Variants in AP3B1 observed in about 807,000 individuals in gnomAD.
The protein encoded by AP3B1 is AP-3 complex subunit beta-1.
In AP3B1, 61 loss-of-function variants were observed where a neutral mutation model predicts 132.5. The ratio of observed to expected loss-of-function variants is 0.46; its 90% confidence interval spans 0.37 to 0.57. The LOEUF (loss-of-function observed/expected upper bound fraction) is 0.57. Ranked by LOEUF, AP3B1 falls within the 20% of genes least tolerant of loss-of-function variation. The pLI is 0.00. For synonymous variants in AP3B1, 388 were observed against 438.3 expected (o/e 0.89, Z 1.43); for missense variants, 1,120 against 1,289.4 (o/e 0.87, Z 2.01).
intron 7 of AP3B1, among the ~76,000 whole-genome samples, chr5:78,188,732 T>C (rs1030816639): frequency 3.3e-5 from 5 of 152,190 alleles, no homozygotes; most frequent in Admixed American, 1.3e-4. Context: ...ACTGGGTATA[T>C]ACCCAAAAGA....
intron 22 of AP3B1, among the ~76,000 whole-genome samples, chr5:78,078,445 C>A (rs1749851728): frequency 6.6e-6 from 1 of 152,202 alleles, no homozygotes; most frequent in African/African-American, 2.4e-5. Flanking sequence ...TGGCTTTCAA[C>A]CAGTAGCTAC....
intron 17 of AP3B1, 122 bp downstream of exon 17, chr5:78,127,908 A>G: frequency 8.6e-7 from 1 of 1,158,610 alleles, no homozygotes; most frequent in Non-Finnish European, 1.3e-6. Context: ...AACACATTAC[A>G]TTTAGAAATA....
chr5:78,060,726 A>G (rs762241660), intron 22 of AP3B1, among the ~76,000 whole-genome samples: 1 of 152,168 alleles, frequency 6.6e-6, no homozygotes, highest in Non-Finnish European at 1.5e-5. Flanking sequence ...ATCAGAATGT[A>G]GTAGACATTC....
At chr5:78,253,691 G>A (rs1223266817) in intron 2 of AP3B1, among the ~76,000 whole-genome samples, 1 of 152,160 alleles carries the variant, frequency 6.6e-6, no homozygotes. Context: ...GATAGGCCAG[G>A]CGCGGTGGCT....
intron 7 of AP3B1, among the ~76,000 whole-genome samples, chr5:78,193,742 T>G (rs868671604): frequency 0.039 from 3,510 of 90,700 alleles, 206 homozygotes; most frequent in African/African-American, 0.17. Flanking sequence ...GTATATATTT[T>G]TTTATATATA....
intron 21 of AP3B1, among the ~76,000 whole-genome samples, chr5:78,093,428 G>A (rs983958525): frequency 2.6e-5 from 4 of 152,186 alleles, no homozygotes; most frequent in Non-Finnish European, 5.9e-5. Flanking sequence ...ATTTGGAAGG[G>A]GGGATTTGCA....
At chr5:78,193,759 T>TAG (rs1744954304) in intron 7 of AP3B1, among the ~76,000 whole-genome samples, 2 of 118,964 alleles carry the variant, frequency 1.7e-5, no homozygotes, top group East Asian at 4.4e-4. Context: ...TATATATATA[T>TAG]ATATATATAT....
intron 1 of AP3B1, among the ~76,000 whole-genome samples, chr5:78,276,098 C>T (rs1394884209): frequency 6.6e-6 from 1 of 151,476 alleles, no homozygotes; most frequent in Non-Finnish European, 1.5e-5. Context: ...TAGGGTCTTG[C>T]TCTATTGCCC....
In AP3B1 at chr5:78,110,220, C is replaced by T. The variant is rs1017591456; in HGVS notation, c.2384G>A (p.Arg795Lys). Reference sequence around the variant, plus strand: ...ATAATCTCTTACCTTAGTGACTCTTCTGGATTCAGATTCACTTTCAGGTTC... The same window carrying T: ...ATAATCTCTTACCTTAGTGACTCTTTTGGATTCAGATTCACTTTCAGGTTC... ...ESEPESESES[R>K]RVTKEKEKKT... Residue 795 changes from arginine (R) to lysine (K), a missense_variant, in exon 20 of 27, where the codon AGA becomes AAA. Coordinates refer to ENST00000255194, the MANE Select transcript of AP3B1 (RefSeq NM_003664.5). 1.2e-6 allele frequency: 2 copies of T among 1,605,132 alleles called. No individual in the cohort carries two copies. Among genetic ancestry groups the T allele is most frequent in the Non-Finnish European group, 1.7e-6 (2 of 1,174,668 alleles).
At chr5:78,007,365 G>A (rs1022611302) in intron 26 of AP3B1, among the ~76,000 whole-genome samples, 14 of 151,868 alleles carry the variant, frequency 9.2e-5, no homozygotes, top group African/African-American at 3.1e-4. Flanking sequence ...TCTATTCTGA[G>A]TTCAATTTTC....
chr5:78,205,861 A>T (rs888798627), intron 7 of AP3B1, among the ~76,000 whole-genome samples: 8 of 150,790 alleles, frequency 5.3e-5, no homozygotes, highest in East Asian at 1.9e-4. Context: ...GTCTAAAAAA[A>T]TTTTTTTTTT....
At chr5:78,049,233 T>C (rs1256995367) in intron 22 of AP3B1, among the ~76,000 whole-genome samples, 1 of 152,180 alleles carries the variant, frequency 6.6e-6, no homozygotes, top group Non-Finnish European at 1.5e-5. Flanking sequence ...TCTGACCCTA[T>C]GTCTCCCTTG....
At chr5:78,276,615 C>A (rs10059285) in intron 1 of AP3B1, among the ~76,000 whole-genome samples, 34,271 of 152,004 alleles carry the variant, frequency 0.23, 4,518 homozygotes, top group Middle Eastern at 0.31. Flanking sequence ...CACCTACAGT[C>A]CTAGTTACTC....
intron 3 of AP3B1, among the ~76,000 whole-genome samples, chr5:78,237,731 T>C (rs1323004253): frequency 6.6e-6 from 1 of 152,120 alleles, no homozygotes; most frequent in East Asian, 1.9e-4. Context: ...GAGAATCACC[T>C]GAACCCGGCA....
In AP3B1 at chr5:78,170,030, G is replaced by A. The variant is rs142805110; in HGVS notation, c.1168-4358C>T. ...TATTTGGTTTTCTGTCCTTGTGACA[G>A]TTTGCTGAGAATGACGGTTGCCAGC... is the stretch of plus-strand genomic sequence containing the variant. On this transcript the variant is annotated intron_variant, in intron 11 of 26. Coordinates refer to ENST00000255194, the MANE Select transcript of AP3B1 (RefSeq NM_003664.5). Among the ~76,000 whole-genome samples, 42 of 152,262 alleles carry A rather than the reference G, an allele frequency of 2.8e-4. No individual in the cohort carries two copies. In the East Asian group the frequency reaches 5.8e-3, roughly 21 times the overall value.
At chr5:78,122,805 C>A (rs1752280577) in intron 17 of AP3B1, among the ~76,000 whole-genome samples, 1 of 152,202 alleles carries the variant, frequency 6.6e-6, no homozygotes, top group South Asian at 2.1e-4. Flanking sequence ...CCATCCCCAT[C>A]AAGCTACCAA....
intron 18 of AP3B1, among the ~76,000 whole-genome samples, chr5:78,114,923 T>C (rs1455973172): frequency 1.3e-5 from 2 of 152,208 alleles, no homozygotes; most frequent in African/African-American, 4.8e-5. Flanking sequence ...TCAACTTCTC[T>C]GGGTTTTGGT....
chr5:78,001,589 C>A (rs575886539), downstream of AP3B1: 1 of 152,310 alleles, frequency 6.6e-6, no homozygotes, highest in South Asian at 2.1e-4. Flanking sequence ...GTCATCCCAC[C>A]AGCTTGAAAA....
chr5:78,060,166 C>T (rs960204454), intron 22 of AP3B1, among the ~76,000 whole-genome samples: 5 of 152,104 alleles, frequency 3.3e-5, no homozygotes, highest in Admixed American at 3.3e-4. Context: ...AAGCACAATA[C>T]AAAAAGTCAG....
Sources: gnomAD v4.1 joint callset for allele counts (sites outside exome capture counted in the v4.1 genomes callset) on GRCh38, gnomAD v4.1.1 for gene constraint, MANE v1.5 for transcripts, NCBI Gene and HGNC (gene_info 2026-07-23, HGNC 2026-07-21) for gene names.